IL18R1: variants seen among roughly 807,000 people sequenced by gnomAD.
IL18R1 encodes the protein interleukin-18 receptor 1.
IL18R1 carries 40 observed loss-of-function variants against 48.5 expected under a neutral mutation model. The ratio of observed to expected loss-of-function variants is 0.82; its 90% CI spans 0.64 to 1.07. The LOEUF (loss-of-function observed/expected upper bound fraction) is 1.07. Ranked by LOEUF, IL18R1 falls within the 50% of genes least tolerant of loss-of-function variation. The pLI is 0.00. For missense variants in IL18R1, 596 were observed against 633.7 expected (o/e 0.94, Z 0.64); for synonymous variants, 232 against 225.9 (o/e 1.03, Z -0.24).
chr2:102,363,416 A>G (rs1678701808), intron 2 of IL18R1, among the ~76,000 whole-genome samples: 1 of 152,218 alleles, frequency 6.6e-6, no homozygotes, highest in African/African-American at 2.4e-5. Context: ...GTACTTTCAA[A>G]TAACACAGGT....
chr2:102,396,973 G>GA lies in IL18R1; in HGVS notation c.*90dup, dbSNP rs781179315. 78 of 762,694 alleles carry GA rather than the reference G, an allele frequency of 1.0e-4. No homozygotes were observed. The highest frequency in any genetic ancestry group is 6.6e-4 in the South Asian group (33 of 50,016). The allele number at this position is 762,694 out of a possible 1,614,324, so 47.2% of individuals were successfully genotyped here. On this transcript the variant is annotated 3_prime_UTR_variant, in exon 11 of 11. Coordinates refer to ENST00000233957, the MANE Select transcript of IL18R1 (RefSeq NM_003855.5). Reference sequence around the variant, plus strand: ...CTGTTCATAACAAAGGCTGTGACTCGAAATAATTAACTTTGTCAAAATCCT... The same window carrying GA: ...CTGTTCATAACAAAGGCTGTGACTCGAAAATAATTAACTTTGTCAAAATCCT...
chr2:102,396,891 C>T lies in IL18R1; in HGVS notation c.*5C>T, dbSNP rs757254835. 6.5e-7 allele frequency: 1 copy of T among 1,547,260 alleles called. No individual in the cohort carries two copies. The highest frequency in any genetic ancestry group is 8.7e-7 in the Non-Finnish European group (1 of 1,143,892). ...CCTGTTCTTTCCGAGTCTTAATCTT[C>T]AGAAACAGTGAACGCCAAAAAGAAC... is the stretch of plus-strand genomic sequence containing the variant. On this transcript the variant is annotated 3_prime_UTR_variant, in exon 11 of 11. Coordinates refer to ENST00000233957, the MANE Select transcript of IL18R1 (RefSeq NM_003855.5).
intron 2 of IL18R1, 119 bp downstream of exon 2, chr2:102,362,837 T>G: frequency 1.7e-6 from 1 of 587,572 alleles, no homozygotes; most frequent in East Asian, 2.8e-5. Context: ...AAGAAAAGAT[T>G]CTGCAGTCTG....
intron 1 of IL18R1, among the ~76,000 whole-genome samples, chr2:102,357,580 C>T (rs1678325999): frequency 6.6e-6 from 1 of 152,000 alleles, no homozygotes; most frequent in African/African-American, 2.4e-5. Flanking sequence ...GTGATGGAAA[C>T]ACCTGCAGAG....
chr2:102,387,119 A>G (rs1014585330), intron 8 of IL18R1, 119 bp downstream of exon 8: 40 of 1,050,582 alleles, frequency 3.8e-5, no homozygotes, highest in Non-Finnish European at 5.5e-5. Flanking sequence ...AGGGGAAATC[A>G]GTCACCTCAT....
rs1678651581 is a variant in IL18R1 at position 102,362,733 on chromosome 2, A to G, written c.58+15A>G. 1.3e-6 allele frequency: 2 copies of G among 1,484,268 alleles called. No individual in the cohort carries two copies. Among genetic ancestry groups the G allele is most frequent in the East Asian group, 2.3e-5 (1 of 43,838 alleles). The allele number at this position is 1,484,268 out of a possible 1,614,324, so 91.9% of individuals were successfully genotyped here. A position where few individuals can be genotyped will look rare whatever the true frequency, so the allele number is the denominator to read the frequency against. On this transcript the variant is annotated intron_variant, in intron 2 of 10. Transcript: ENST00000233957. ...AAGCACTGCAGGTAAGTGATTATAC[A>G]TACTCTCAAACATATTTCATGAGTA... is the stretch of plus-strand genomic sequence containing the variant.
At chr2:102,376,808 GA>G (rs1487474943) in intron 5 of IL18R1, among the ~76,000 whole-genome samples, 1 of 152,224 alleles carries the variant, frequency 6.6e-6, no homozygotes, top group Non-Finnish European at 1.5e-5. Context: ...GCCAATGATT[GA>G]TCATCCAGTC....
intron 5 of IL18R1, among the ~76,000 whole-genome samples, chr2:102,379,845 C>A (rs1185281767): frequency 6.6e-6 from 1 of 152,166 alleles, no homozygotes; most frequent in Non-Finnish European, 1.5e-5. Flanking sequence ...AGTCTGGTTT[C>A]TGTGACTTGC....
At chr2:102,380,563 A>G (rs1679860750) in intron 5 of IL18R1, among the ~76,000 whole-genome samples, 1 of 152,160 alleles carries the variant, frequency 6.6e-6, no homozygotes, top group Admixed American at 6.5e-5. Context: ...TCCAAATCCC[A>G]GGATAACCCA....
chr2:102,368,031 G>A lies in IL18R1; in HGVS notation c.265G>A (p.Glu89Lys), dbSNP rs1679016805. ...TTGTGTTTTGGAGTTTTGGCCAGTT[G>A]AGTTGAATGACACAGGATCTTACTT... Reference protein sequence around the residue: ...HDCVLEFWPVELNDTGSYFFQ... With the variant: ...HDCVLEFWPVKLNDTGSYFFQ... The change falls in exon 3 of 11, where the codon GAG (glutamate) becomes AAG (lysine). Residue 89 changes from glutamate (E) to lysine (K), a missense_variant. By Grantham distance (56) the Glu-to-Lys change is moderately conservative. Coordinates refer to ENST00000233957, the MANE Select transcript of IL18R1 (RefSeq NM_003855.5). The A allele has an allele frequency of 6.2e-7, 1 of 1,614,090 alleles. No individual in the cohort carries two copies. The highest frequency in any genetic ancestry group is 1.7e-5 in the Admixed American group (1 of 60,010).
intron 5 of IL18R1, among the ~76,000 whole-genome samples, chr2:102,376,423 G>T (rs754821228): frequency 1.3e-5 from 2 of 152,212 alleles, no homozygotes; most frequent in Non-Finnish European, 2.9e-5. Flanking sequence ...AAGGAGGCAG[G>T]GAAGCAAGGA....
At chr2:102,387,577 C>T (rs1215901184) in intron 8 of IL18R1, among the ~76,000 whole-genome samples, 1 of 152,232 alleles carries the variant, frequency 6.6e-6, no homozygotes, top group Non-Finnish European at 1.5e-5. Flanking sequence ...AGTAGCACAG[C>T]CCAGGGCCTT....
chr2:102,374,148 A>G (rs1323488063), intron 4 of IL18R1, among the ~76,000 whole-genome samples: 3 of 152,202 alleles, frequency 2.0e-5, no homozygotes, highest in Non-Finnish European at 2.9e-5. Context: ...CATTCATGAA[A>G]TCAGTCTCTG....
intron 3 of IL18R1, among the ~76,000 whole-genome samples, chr2:102,368,412 C>T (rs1033465537): frequency 2.0e-5 from 3 of 152,146 alleles, no homozygotes; most frequent in East Asian, 3.9e-4. Context: ...TCGGACTTCA[C>T]GATAATATTA....
rs967893307 is a variant in IL18R1 at position 102,384,865 on chromosome 2, C to T, written c.689-13C>T. The T allele has an allele frequency of 1.9e-6, 3 of 1,604,778 alleles. No individual in the cohort carries two copies. The highest frequency in any genetic ancestry group is 2.6e-6 in the Non-Finnish European group (3 of 1,176,382). On this transcript the variant is annotated splice_polypyrimidine_tract_variant and intron_variant, in intron 6 of 10. Coordinates refer to ENST00000233957, the MANE Select transcript of IL18R1 (RefSeq NM_003855.5). ...TTTCAAAAATCAGAACTTTAGTTGC[C>T]AACTTTTACCAGGAAAAAACGTAAG... is the stretch of plus-strand genomic sequence containing the variant.
intron 9 of IL18R1, among the ~76,000 whole-genome samples, chr2:102,392,849 A>T (rs1680625074): frequency 6.6e-6 from 1 of 152,146 alleles, no homozygotes; most frequent in Non-Finnish European, 1.5e-5. Context: ...AAACATTACC[A>T]TTAGTTTTCA....
At chr2:102,391,068 T>C (rs888209454) in intron 9 of IL18R1, among the ~76,000 whole-genome samples, 8 of 152,166 alleles carry the variant, frequency 5.3e-5, no homozygotes, top group Admixed American at 4.6e-4. Context: ...AGTTTCCTTA[T>C]ACTTAAAGGT....
chr2:102,382,423 C>T (rs1312343211), intron 6 of IL18R1, among the ~76,000 whole-genome samples: 2 of 151,948 alleles, frequency 1.3e-5, no homozygotes, highest in Admixed American at 1.3e-4. Context: ...TGGAGTTTGT[C>T]TAGATAAGTC....
intron 1 of IL18R1, among the ~76,000 whole-genome samples, chr2:102,357,764 C>T (rs1244094235): frequency 6.6e-6 from 1 of 152,084 alleles, no homozygotes; most frequent in Non-Finnish European, 1.5e-5. Context: ...TGGGGGGAAG[C>T]ATAAGGCTAA....
Sources: allele counts gnomAD v4.1 joint callset (sites outside exome capture counted in the v4.1 genomes callset), GRCh38; gene constraint gnomAD v4.1.1; transcripts MANE v1.5; gene names NCBI Gene and HGNC (gene_info 2026-07-23, HGNC 2026-07-21).